The following RFX2 variants were observed in gnomAD, a reference collection of about 807,000 sequenced individuals.
RFX2 encodes regulatory factor X2, also known as DNA-binding protein RFX2.
Under a neutral mutation model 87.8 loss-of-function variants are expected in RFX2, and 20 were observed. The observed-to-expected ratio is 0.23, with a 90% CI of 0.16 to 0.33. RFX2 has a LOEUF of 0.33. RFX2 is among the 10% of genes least tolerant of loss of function. RFX2 has a pLI of 1.00. For synonymous variants in RFX2, 397 were observed against 431.3 expected (o/e 0.92, Z 0.98); for missense variants, 767 against 1,012.3 (o/e 0.76, Z 3.29).
At chr19:6,092,352 C>A (rs1281059946) in intron 1 of RFX2, among the ~76,000 whole-genome samples, 1 of 152,152 alleles carries the variant, frequency 6.6e-6, no homozygotes, top group Non-Finnish European at 1.5e-5. Flanking sequence ...GTCAATGACC[C>A]AAGAAAGCAG....
intron 3 of RFX2, among the ~76,000 whole-genome samples, chr19:6,043,584 T>C (rs919017198): frequency 1.3e-5 from 2 of 152,264 alleles, no homozygotes; most frequent in African/African-American, 4.8e-5. Flanking sequence ...CCACACCCAT[T>C]TGGTTGCATA....
chr19:6,078,533 C>T (rs1027785373), intron 1 of RFX2, among the ~76,000 whole-genome samples: 3 of 152,086 alleles, frequency 2.0e-5, no homozygotes, highest in Non-Finnish European at 4.4e-5. Flanking sequence ...TCTGCAGTGC[C>T]TGGCACACAG....
chr19:6,007,252 G>A lies in RFX2; in HGVS notation c.1248-86C>T, dbSNP rs893932716. The A allele has an allele frequency of 1.4e-5, 20 of 1,425,586 alleles. No homozygotes were observed. The East Asian group carries it at 2.3e-4, about 17-fold the overall frequency. The allele number at this position is 1,425,586 out of a possible 1,614,324, so 88.3% of individuals were successfully genotyped here. The stretch of plus-strand genomic sequence containing the variant: ...GGGAGCGAGCAGAGAGCCGGGCTGC[G>A]GGACTTTTGCCCAACAGTGGGGCTG... On this transcript the variant is annotated intron_variant, in intron 11 of 17. Transcript: ENST00000303657. The surrounding 1 kb of genome is among the most constrained non-coding windows in gnomAD (Gnocchi z 8.2).
At chr19:6,076,832 C>T (rs2087699505) in intron 1 of RFX2, among the ~76,000 whole-genome samples, 1 of 152,184 alleles carries the variant, frequency 6.6e-6, no homozygotes, top group African/African-American at 2.4e-5. Flanking sequence ...GGGAGTGCCT[C>T]CTGCTATGAG....
In RFX2 at chr19:6,067,059, AG is replaced by A. The variant is rs1260113036; in HGVS notation, c.-8-19556del. On this transcript the variant is annotated intron_variant, in intron 1 of 17. Coordinates refer to ENST00000303657, the MANE Select transcript of RFX2 (RefSeq NM_000635.4). Reference sequence around the variant, plus strand: ...ATTTGTTCTGAAATAACAAAACCCAAGGAGGAACAACTCTCTCTGAGGTAAG... The same window carrying A: ...ATTTGTTCTGAAATAACAAAACCCAAGAGGAACAACTCTCTCTGAGGTAAG... Among the ~76,000 whole-genome samples the A allele has an allele frequency of 2.0e-5, 3 of 152,216 alleles. No individual in the cohort carries two copies. The East Asian group carries it at 5.8e-4, about 29-fold the overall frequency.
intron 1 of RFX2, among the ~76,000 whole-genome samples, chr19:6,059,702 T>C (rs1339585842): frequency 6.6e-6 from 1 of 151,976 alleles, no homozygotes; most frequent in Non-Finnish European, 1.5e-5. Flanking sequence ...CACGTATGCA[T>C]ATACACAAAT....
rs1481091003 is a variant in RFX2 at position 6,023,210 on chromosome 19, A to T, written c.597+2953T>A. On this transcript the variant is annotated intron_variant, in intron 6 of 17. Transcript: ENST00000303657. The surrounding 1 kb of genome is among the most constrained non-coding windows in gnomAD (Gnocchi z 4.9). ...CCTGCCTGGGGCTGTCTGAGAAGGG[A>T]GGTCTGGGAGGCCACTGGGAAAATG... 4 of 152,350 alleles carry T rather than the reference A, an allele frequency of 2.6e-5. No individual in the cohort carries two copies. The highest frequency in any genetic ancestry group is 9.7e-5 in the African/African-American group (4 of 41,446). The allele number at this position is 152,350 out of a possible 1,614,324, so 9.4% of individuals were successfully genotyped here.
rs185565814 is a variant in RFX2, at chr19:6,096,424, T to A, written c.-9+13969A>T. Among the ~76,000 whole-genome samples, 852 of 143,408 alleles carry A rather than the reference T, an allele frequency of 5.9e-3. 3 individuals are homozygous for A. The highest frequency in any genetic ancestry group is 0.011 in the African/African-American group (387 of 33,724). The allele number at this position is 143,408 out of a possible 152,430, so 94.1% of individuals were successfully genotyped here. A position where few individuals can be genotyped will look rare whatever the true frequency, so the allele number is the denominator to read the frequency against. On this transcript the variant is annotated intron_variant, in intron 1 of 17. Transcript: ENST00000303657. ...TAGTTGATACTGCGCACACTCTCGT[T>A]TTTGTTTTTTGTTTTGTTTTGTTTT... is the stretch of plus-strand genomic sequence containing the variant.
intron 1 of RFX2, among the ~76,000 whole-genome samples, chr19:6,076,184 T>C (rs536503917): frequency 2.6e-5 from 4 of 151,974 alleles, no homozygotes; most frequent in African/African-American, 9.6e-5. Context: ...TACTAAAAAA[T>C]AATACAAAAA....
chr19:6,014,168 T>G lies in RFX2; in HGVS notation c.780-1063A>C, dbSNP rs79201256. On this transcript the variant is annotated intron_variant, in intron 7 of 17. Transcript: ENST00000303657. Reference sequence around the variant, plus strand: ...GACACCCAGCTCACAGGATGCCATTTCTCCAGAGCTGGCAACAGGGACATG... The same window carrying G: ...GACACCCAGCTCACAGGATGCCATTGCTCCAGAGCTGGCAACAGGGACATG... 1.1e-3 allele frequency among the ~76,000 whole-genome samples: 169 copies of G among 152,262 alleles called. 6 individuals are homozygous for G. The East Asian group carries it at 0.025, about 22-fold the overall frequency.
chr19:6,042,284 C>T (rs1460997010), intron 3 of RFX2, among the ~76,000 whole-genome samples, 161 bp from the exon 4 acceptor site: 1 of 152,214 alleles, frequency 6.6e-6, no homozygotes, highest in Non-Finnish European at 1.5e-5. Flanking sequence ...ACTGAGGAGA[C>T]AGTAATGTAC....
rs943268871 is a variant in RFX2, at chr19:6,110,214, C to T, written c.-9+179G>A. Among the ~76,000 whole-genome samples, 3 of 114,510 alleles carry T rather than the reference C, an allele frequency of 2.6e-5. No homozygotes were observed. Among genetic ancestry groups the T allele is most frequent in the Admixed American group, 9.3e-5 (1 of 10,764 alleles). The allele number at this position is 114,510 out of a possible 152,430, so 75.1% of individuals were successfully genotyped here. A position where few individuals can be genotyped will look rare whatever the true frequency, so the allele number is the denominator to read the frequency against. On this transcript the variant is annotated intron_variant, in intron 1 of 17. Coordinates refer to ENST00000303657, the MANE Select transcript of RFX2 (RefSeq NM_000635.4). This position sits in a 1 kb window ranked among gnomAD's most constrained non-coding sequence, Gnocchi z 4.3. ...GGAAAGTGGGGACGTCGCCAGGGTC[C>T]CCCCAAACTCCGCCGCGCGCGCGGA... is the stretch of plus-strand genomic sequence containing the variant.
chr19:6,025,248 C>G (rs1161563222), intron 6 of RFX2, among the ~76,000 whole-genome samples: 1 of 152,152 alleles, frequency 6.6e-6, no homozygotes, highest in Non-Finnish European at 1.5e-5. Flanking sequence ...CCTGCCACGT[C>G]CCCCAGTCCC....
At position 6,010,289 on chromosome 19, in the gene RFX2, A is replaced by G; in HGVS notation, c.900-38T>C. 1 of 1,393,886 alleles carries G rather than the reference A, an allele frequency of 7.2e-7. No individual in the cohort carries two copies. The highest frequency in any genetic ancestry group is 9.9e-7 in the Non-Finnish European group (1 of 1,011,046). 86.3% of individuals were successfully genotyped at this position (1,393,886 alleles called of 1,614,324 possible). On this transcript the variant is annotated intron_variant, in intron 8 of 17. Transcript: ENST00000303657. This position sits in a 1 kb window ranked among gnomAD's most constrained non-coding sequence, Gnocchi z 5.0. ...CACGCATACCATCATGAGGCCCAGC[A>G]GCCCTGCTGCGGGTGGGCCCAAAGA...
At chr19:6,108,823 C>T (rs547194265) in intron 1 of RFX2, among the ~76,000 whole-genome samples, 3 of 152,160 alleles carry the variant, frequency 2.0e-5, no homozygotes, top group African/African-American at 7.2e-5. Context: ...CGCCGGCAGC[C>T]GCCAGAATGG....
intron 1 of RFX2, chr19:6,071,977 C>T (rs2087612807): frequency 6.6e-6 from 1 of 152,118 alleles, no homozygotes; most frequent in Non-Finnish European, 1.5e-5. Flanking sequence ...TGACTTCAGA[C>T]AGGGCCTGAA....
In RFX2 at chr19:6,024,816, G is replaced by A. The variant is rs1240947370; in HGVS notation, c.597+1347C>T. 1.2e-4 allele frequency among the ~76,000 whole-genome samples: 14 copies of A among 118,992 alleles called. No homozygotes were observed. The highest frequency in any genetic ancestry group is 1.9e-4 in the Non-Finnish European group (11 of 58,380). The allele number at this position is 118,992 out of a possible 152,430, so 78.1% of individuals were successfully genotyped here. On this transcript the variant is annotated intron_variant, in intron 6 of 17. Coordinates refer to ENST00000303657, the MANE Select transcript of RFX2 (RefSeq NM_000635.4). The surrounding 1 kb of genome is among the most constrained non-coding windows in gnomAD (Gnocchi z 5.0). ...GGACGGGATCACGGTGAGGACGGGA[G>A]TGAGGACGGGATCACGGTGAGGACG... is the stretch of plus-strand genomic sequence containing the variant.
At chr19:6,081,810 G>A (rs975868394) in intron 1 of RFX2, among the ~76,000 whole-genome samples, 9 of 152,144 alleles carry the variant, frequency 5.9e-5, no homozygotes, top group Admixed American at 3.3e-4. Flanking sequence ...AAAATTGGCC[G>A]GGCGCGTTGG....
intron 1 of RFX2, among the ~76,000 whole-genome samples, chr19:6,093,049 C>A (rs73549970): frequency 6.6e-6 from 1 of 152,140 alleles, no homozygotes; most frequent in South Asian, 2.1e-4. Flanking sequence ...TGGAAAGTCA[C>A]CTTTATAGTA....
Sources: allele counts gnomAD v4.1 joint callset (sites outside exome capture counted in the v4.1 genomes callset), GRCh38; gene constraint gnomAD v4.1.1; non-coding constraint Gnocchi (gnomAD v3.1); transcripts MANE v1.5; gene names NCBI Gene and HGNC (gene_info 2026-07-23, HGNC 2026-07-21).